TMPRSS15: variants seen among roughly 807,000 people sequenced by gnomAD.
TMPRSS15 encodes enteropeptidase.
In TMPRSS15, 128 loss-of-function variants were observed where a neutral mutation model predicts 125.3. That is an observed-to-expected ratio of 1.02 (90% confidence interval 0.89 to 1.18). The LOEUF (loss-of-function observed/expected upper bound fraction) is 1.18, where lower values mean the gene tolerates loss of function less well. Ranked by LOEUF, TMPRSS15 falls within the 50% of genes most tolerant of loss-of-function variation. The pLI is 0.00. For missense variants in TMPRSS15, 1,283 were observed against 1,212.7 expected, an observed-to-expected ratio of 1.06 and a Z score of -0.86; for synonymous variants, 446 against 423.2, an observed-to-expected ratio of 1.05 and a Z score of -0.66.
At chr21:18,440,456 A>C (rs1043227283) in intron 1 of TMPRSS15, among the ~76,000 whole-genome samples, 17 of 151,696 alleles carry the variant, frequency 1.1e-4, no homozygotes, top group African/African-American at 4.1e-4. Context: ...AGAAATAAGA[A>C]AGCTTTGAGA....
chr21:18,372,482 T>TCATTTG (rs2075801993), intron 5 of TMPRSS15, among the ~76,000 whole-genome samples, 158 bp from the exon 6 acceptor site: 4 of 152,182 alleles, frequency 2.6e-5, no homozygotes, highest in Admixed American at 1.3e-4. Flanking sequence ...ATTTGTAAAA[T>TCATTTG]TAGAGCATTT....
chr21:18,447,879 C>G (rs1048720667), intron 1 of TMPRSS15, among the ~76,000 whole-genome samples: 2 of 152,052 alleles, frequency 1.3e-5, no homozygotes, highest in Non-Finnish European at 2.9e-5. Context: ...GACTAGTACA[C>G]TAATCATCAG....
chr21:18,461,825 T>C (rs180842132), intron 1 of TMPRSS15, among the ~76,000 whole-genome samples: 121 of 152,288 alleles, frequency 7.9e-4, no homozygotes, highest in Middle Eastern at 3.4e-3. Flanking sequence ...TTGGATACTA[T>C]AGTTGCCCTG....
At chr21:18,469,570 C>G (rs1978736440) in intron 1 of TMPRSS15, among the ~76,000 whole-genome samples, 1 of 151,952 alleles carries the variant, frequency 6.6e-6, no homozygotes, top group Admixed American at 6.6e-5. Flanking sequence ...CTCATATAAG[C>G]TATTATTATA....
At chr21:18,320,825 T>C (rs1488136116) in intron 16 of TMPRSS15, among the ~76,000 whole-genome samples, 1 of 152,236 alleles carries the variant, frequency 6.6e-6, no homozygotes, top group Admixed American at 6.5e-5. Context: ...AAGCAGTCTT[T>C]AATCCAACAG....
At chr21:18,358,273 A>G (rs1022629891) in intron 8 of TMPRSS15, among the ~76,000 whole-genome samples, 7 of 151,880 alleles carry the variant, frequency 4.6e-5, no homozygotes, top group African/African-American at 1.4e-4. Context: ...TATCTTCTGT[A>G]TAATAGGGAT....
At chr21:18,438,960 T>G (rs2076235331) in intron 1 of TMPRSS15, among the ~76,000 whole-genome samples, 1 of 152,210 alleles carries the variant, frequency 6.6e-6, no homozygotes, top group South Asian at 2.1e-4. Flanking sequence ...CTACATGATT[T>G]TCTTCGAAAT....
intron 8 of TMPRSS15, 72 bp from the exon 9 acceptor site, chr21:18,353,935 A>T: frequency 1.4e-6 from 2 of 1,434,774 alleles, no homozygotes; most frequent in Non-Finnish European, 2.0e-6. Context: ...CCATCAGTCC[A>T]TCTACTGAAC....
Position 18,392,603 on chromosome 21 carries a change from T to A in TMPRSS15, c.344+5276A>T, listed in dbSNP as rs556971766. ...CTCCAACCTCTGCCTGTTACCCAGT[T>A]CCAATGTCACTTCCACATTTTCGGT... On this transcript the variant is annotated intron_variant, in intron 3 of 24. Transcript: ENST00000284885. Among the ~76,000 whole-genome samples the A allele has an allele frequency of 2.8e-3, 420 of 152,262 alleles. 1 individual carries two copies. Among genetic ancestry groups the A allele is most frequent in the Admixed American group, 3.5e-3 (53 of 15,294 alleles).
intron 1 of TMPRSS15, among the ~76,000 whole-genome samples, chr21:18,442,061 T>G (rs2076243434): frequency 6.6e-6 from 1 of 152,146 alleles, no homozygotes; most frequent in Admixed American, 6.5e-5. Context: ...CTCCTACTCA[T>G]TCCTCCTCTT....
intron 1 of TMPRSS15, among the ~76,000 whole-genome samples, chr21:18,431,732 C>T (rs1221720271): frequency 1.3e-5 from 2 of 151,860 alleles, no homozygotes; most frequent in African/African-American, 4.8e-5. Context: ...CTAAAATTTC[C>T]ATTTACTTTT....
intron 1 of TMPRSS15, among the ~76,000 whole-genome samples, chr21:18,401,007 T>C (rs985524778): frequency 2.0e-5 from 3 of 151,988 alleles, no homozygotes; most frequent in Admixed American, 2.0e-4. Context: ...ACCAGAGAAA[T>C]GTAAATCAAA....
At chr21:18,334,820 C>T (rs2075376222) in intron 13 of TMPRSS15, among the ~76,000 whole-genome samples, 1 of 152,168 alleles carries the variant, frequency 6.6e-6, no homozygotes, top group Non-Finnish European at 1.5e-5. Flanking sequence ...ATCTGGTTCA[C>T]ACTGCCATAG....
At chr21:18,428,468 C>T (rs1035392439) in intron 1 of TMPRSS15, among the ~76,000 whole-genome samples, 3 of 152,096 alleles carry the variant, frequency 2.0e-5, no homozygotes, top group Non-Finnish European at 2.9e-5. Context: ...TCATGACAGC[C>T]CCTCCCACCA....
intron 1 of TMPRSS15, among the ~76,000 whole-genome samples, chr21:18,418,389 T>C (rs1030028403): frequency 6.6e-6 from 1 of 152,194 alleles, no homozygotes; most frequent in African/African-American, 2.4e-5. Context: ...CGGCCAGTAC[T>C]GTGGAATACT....
rs1337455877 is a variant in TMPRSS15, at chr21:18,269,178, T to TAA, written c.*789_*790dup. On this transcript the variant is annotated 3_prime_UTR_variant, in exon 25 of 25. Transcript: ENST00000284885. ...CATGGGTGATTCAGCTGTGTCTAAA[T>TAA]AAGTTTTCATATATTAGAAATATCC... 1 of 152,144 alleles carries TAA rather than the reference T, an allele frequency of 6.6e-6. No individual in the cohort carries two copies. Among genetic ancestry groups the TAA allele is most frequent in the Non-Finnish European group, 1.5e-5 (1 of 68,026 alleles). The allele number at this position is 152,144 out of a possible 1,614,324, so 9.4% of individuals were successfully genotyped here. A position where few individuals can be genotyped will look rare whatever the true frequency, so the allele number is the denominator to read the frequency against.
rs1601250419 is a variant in TMPRSS15 at position 18,275,482 on chromosome 21, GC to G, written c.2765-147del. On this transcript the variant is annotated intron_variant, in intron 23 of 24. Transcript: ENST00000284885. ...ATAATGGAACTAAATACTAAACCTT[GC>G]ACACTAAAGCACATAATAAAGCCCA... 5.3e-6 allele frequency: 5 copies of G among 935,704 alleles called. No homozygotes were observed. In the East Asian group the frequency reaches 1.3e-4, roughly 25 times the overall value. The allele number at this position is 935,704 out of a possible 1,614,324, so 58.0% of individuals were successfully genotyped here.
At chr21:18,428,176 A>C (rs953724753) in intron 1 of TMPRSS15, among the ~76,000 whole-genome samples, 4 of 152,220 alleles carry the variant, frequency 2.6e-5, no homozygotes, top group African/African-American at 9.6e-5. Flanking sequence ...CAAGACAACA[A>C]ATAAGATTTG....
chr21:18,426,803 G>T (rs1400744710), intron 1 of TMPRSS15, among the ~76,000 whole-genome samples: 1 of 152,108 alleles, frequency 6.6e-6, no homozygotes, highest in Non-Finnish European at 1.5e-5. Context: ...TTGCCAAACG[G>T]TTTGTCAATT....
Sources: gnomAD v4.1 joint callset for allele counts (sites outside exome capture counted in the v4.1 genomes callset) on GRCh38, gnomAD v4.1.1 for gene constraint, MANE v1.5 for transcripts, NCBI Gene and HGNC (gene_info 2026-07-23, HGNC 2026-07-21) for gene names.